Variants in CCSER1 observed in about 807,000 individuals in gnomAD.
CCSER1 encodes the protein serine-rich coiled-coil domain-containing protein 1.
A neutral mutation model predicts 82.0 loss-of-function variants in CCSER1; 41 were observed. The ratio of observed to expected loss-of-function variants is 0.50; its 90% CI spans 0.39 to 0.65. CCSER1 has a LOEUF of 0.65. Ranked by LOEUF, CCSER1 falls within the 30% of genes least tolerant of loss-of-function variation. The probability of loss-of-function intolerance (pLI) is 0.00; values close to 1 mark genes in which losing one functional copy is unlikely to be tolerated. For synonymous variants in CCSER1, 414 were observed against 383.9 expected, an observed-to-expected ratio of 1.08 and a Z score of -0.92; for missense variants, 1,119 against 1,064.2, an observed-to-expected ratio of 1.05 and a Z score of -0.72.
chr4:91,526,604 T>C lies in CCSER1; in HGVS notation c.2218-71968T>C, dbSNP rs183934085. Among the ~76,000 whole-genome samples the C allele has an allele frequency of 6.9e-3, 1,053 of 152,294 alleles. 14 individuals are homozygous for C. Among genetic ancestry groups the C allele is most frequent in the Admixed American group, 0.027 (418 of 15,300 alleles). ...ACCCTTTTCTTCAGATCATATACTC[T>C]ATTATTTACTTATTTCTTGAGATGG... On this transcript the variant is annotated intron_variant, in intron 10 of 10. Coordinates refer to ENST00000509176, the MANE Select transcript of CCSER1 (RefSeq NM_001145065.2).
At chr4:90,177,720 G>A (rs1017383657) in intron 1 of CCSER1, among the ~76,000 whole-genome samples, 2 of 152,060 alleles carry the variant, frequency 1.3e-5, no homozygotes, top group African/African-American at 4.8e-5. Flanking sequence ...TTCTTCACAA[G>A]ACTAGCTCTT....
chr4:90,745,567 T>G (rs1447339226), intron 7 of CCSER1, among the ~76,000 whole-genome samples: 1 of 152,200 alleles, frequency 6.6e-6, no homozygotes, highest in Non-Finnish European at 1.5e-5. Context: ...TTGAGCTGCT[T>G]GTGTAAGTAT....
chr4:90,629,615 G>A (rs1286798812), intron 6 of CCSER1, among the ~76,000 whole-genome samples: 1 of 152,144 alleles, frequency 6.6e-6, no homozygotes, highest in Non-Finnish European at 1.5e-5. Flanking sequence ...TGAGATTTGG[G>A]TGGGGACACA....
chr4:91,007,216 T>C (rs1269919444), intron 9 of CCSER1, among the ~76,000 whole-genome samples: 2 of 152,190 alleles, frequency 1.3e-5, no homozygotes, highest in Non-Finnish European at 2.9e-5. Context: ...GATTTTTGCA[T>C]CTGTGTTCAT....
intron 1 of CCSER1, among the ~76,000 whole-genome samples, chr4:90,166,092 A>C (rs1393553512): frequency 1.6e-4 from 25 of 152,020 alleles, no homozygotes. Flanking sequence ...ACTGAGTAGA[A>C]ACCATACTTT....
chr4:90,490,388 A>G (rs1438811252), intron 5 of CCSER1, among the ~76,000 whole-genome samples: 2 of 151,890 alleles, frequency 1.3e-5, no homozygotes, highest in Non-Finnish European at 2.9e-5. Context: ...TTTCTTGTAA[A>G]TTTGTTTGAG....
At chr4:90,438,728 C>A (rs889108506) in intron 4 of CCSER1, among the ~76,000 whole-genome samples, 1 of 152,036 alleles carries the variant, frequency 6.6e-6, no homozygotes. Flanking sequence ...TGACATTAAT[C>A]AAAACTGATG....
intron 5 of CCSER1, among the ~76,000 whole-genome samples, chr4:90,544,775 G>A (rs1776554963): frequency 6.6e-6 from 1 of 152,004 alleles, no homozygotes; most frequent in Non-Finnish European, 1.5e-5. Flanking sequence ...TCCCATAAGT[G>A]CCTTTTATGA....
chr4:90,999,263 G>T (rs1299545140), intron 9 of CCSER1, among the ~76,000 whole-genome samples: 1 of 152,102 alleles, frequency 6.6e-6, no homozygotes, highest in Non-Finnish European at 1.5e-5. Context: ...GGGAGTGTTG[G>T]GTTGAATGGT....
At chr4:90,441,728 G>A (rs2153573024) in intron 4 of CCSER1, among the ~76,000 whole-genome samples, 1 of 152,282 alleles carries the variant, frequency 6.6e-6, no homozygotes, top group South Asian at 2.1e-4. Flanking sequence ...AAACGTGGGA[G>A]GGTCCACAAG....
At chr4:90,844,120 T>C (rs989696661) in intron 8 of CCSER1, among the ~76,000 whole-genome samples, 2 of 151,500 alleles carry the variant, frequency 1.3e-5, no homozygotes, top group Non-Finnish European at 2.9e-5. Context: ...TGTATGTATA[T>C]ATATATATCT....
intron 10 of CCSER1, among the ~76,000 whole-genome samples, chr4:91,316,752 T>C (rs974773745): frequency 6.6e-6 from 1 of 152,008 alleles, no homozygotes; most frequent in Non-Finnish European, 1.5e-5. Context: ...TCTTTTAAAG[T>C]GTAAGTCATA....
chr4:90,180,511 C>A (rs1733540582), intron 1 of CCSER1, among the ~76,000 whole-genome samples: 1 of 151,972 alleles, frequency 6.6e-6, no homozygotes, highest in Non-Finnish European at 1.5e-5. Context: ...ATCGCTTGAA[C>A]CTGGGAAGCA....
intron 3 of CCSER1, among the ~76,000 whole-genome samples, chr4:90,335,115 TTATTCAAA>T (rs1740138013): frequency 1.3e-5 from 2 of 152,188 alleles, no homozygotes; most frequent in Admixed American, 1.3e-4. Flanking sequence ...ATCAACTACC[TTATTCAAA>T]GGCATTATTT....
At chr4:90,513,316 G>A (rs1357348361) in intron 5 of CCSER1, among the ~76,000 whole-genome samples, 1 of 152,060 alleles carries the variant, frequency 6.6e-6, no homozygotes, top group Non-Finnish European at 1.5e-5. Context: ...AAAGAGGGAA[G>A]GAAGACAGGT....
chr4:91,313,894 T>C (rs1745656213), intron 10 of CCSER1, among the ~76,000 whole-genome samples: 1 of 151,892 alleles, frequency 6.6e-6, no homozygotes, highest in Admixed American at 6.6e-5. Context: ...AATTGGAAAA[T>C]CTTTGCTGTG....
At chr4:90,232,910 A>G (rs1744914849) in intron 1 of CCSER1, among the ~76,000 whole-genome samples, 2 of 151,520 alleles carry the variant, frequency 1.3e-5, no homozygotes, top group Admixed American at 1.3e-4. Flanking sequence ...AATGCAAATC[A>G]AAACCACAAT....
At chr4:90,393,755 AC>A (rs1371281777) in intron 3 of CCSER1, among the ~76,000 whole-genome samples, 2 of 151,238 alleles carry the variant, frequency 1.3e-5, no homozygotes, top group African/African-American at 2.4e-5. Flanking sequence ...CCGACTTTAT[AC>A]AATAGTTATA....
At chr4:91,329,933 G>T (rs1746831658) in intron 10 of CCSER1, among the ~76,000 whole-genome samples, 3 of 151,638 alleles carry the variant, frequency 2.0e-5, no homozygotes, top group Non-Finnish European at 4.4e-5. Context: ...TAGTCATTTT[G>T]CTTTATTGCT....
Sources: gnomAD v4.1 joint callset for allele counts (sites outside exome capture counted in the v4.1 genomes callset) on GRCh38, gnomAD v4.1.1 for gene constraint, MANE v1.5 for transcripts, NCBI Gene and HGNC (gene_info 2026-07-23, HGNC 2026-07-21) for gene names.